PRKAG2: variants seen among roughly 807,000 people sequenced by gnomAD.
The protein encoded by PRKAG2 is protein kinase AMP-activated non-catalytic subunit gamma 2.
PRKAG2 carries 26 observed loss-of-function variants against 69.6 expected under a neutral mutation model. The observed-to-expected ratio is 0.37, with a 90% CI of 0.27 to 0.52. The LOEUF is 0.52. PRKAG2 is among the 20% of genes least tolerant of loss of function. The probability of loss-of-function intolerance (pLI) is 0.90; values close to 1 mark genes in which losing one functional copy is unlikely to be tolerated. For missense variants in PRKAG2, 557 were observed against 740.0 expected, an observed-to-expected ratio of 0.75 and a Z score of 2.87; for synonymous variants, 293 against 285.0, an observed-to-expected ratio of 1.03 and a Z score of -0.28.
chr7:151,729,985 G>A (rs562433259), intron 3 of PRKAG2, among the ~76,000 whole-genome samples: 2 of 152,314 alleles, frequency 1.3e-5, no homozygotes, highest in South Asian at 4.1e-4. Context: ...TATCACATTC[G>A]TAGAAAGTAG....
In PRKAG2 at chr7:151,595,471, C is replaced by T. The variant is rs746909188; in HGVS notation, c.755-17G>A. 6.5e-7 allele frequency: 1 copy of T among 1,534,386 alleles called. No homozygotes were observed. The highest frequency in any genetic ancestry group is 1.1e-5 in the South Asian group (1 of 89,384). ...CTTCTACTGCTAAAAGAAAAAAAGG[C>T]AAAACATCAGTAATAATAAAGAATT... On this transcript the variant is annotated splice_polypyrimidine_tract_variant and intron_variant, in intron 5 of 15. Transcript: ENST00000287878.
intron 1 of PRKAG2, among the ~76,000 whole-genome samples, chr7:151,845,751 C>CT (rs202041310): frequency 6.6e-6 from 1 of 152,340 alleles, no homozygotes; most frequent in East Asian, 1.9e-4. Flanking sequence ...TCCCAAAACA[C>CT]TGCGGGGGCG....
intron 5 of PRKAG2, among the ~76,000 whole-genome samples, chr7:151,598,056 CCT>C (rs1433424645): frequency 6.6e-6 from 1 of 152,160 alleles, no homozygotes; most frequent in African/African-American, 2.4e-5. Flanking sequence ...ATGGAATCCA[CCT>C]AAGTGTCGCC....
At chr7:151,616,256 G>C (rs946809312) in intron 5 of PRKAG2, among the ~76,000 whole-genome samples, 1 of 152,148 alleles carries the variant, frequency 6.6e-6, no homozygotes, top group African/African-American at 2.4e-5. Context: ...CAACGAGGGC[G>C]GGAGGAAGCA....
Position 151,800,798 on chromosome 7 carries a change from T to C in PRKAG2, c.115-14257A>G, listed in dbSNP as rs74602755. Among the ~76,000 whole-genome samples the C allele has an allele frequency of 7.4e-3, 1,121 of 152,254 alleles. 13 individuals carry two copies. Among genetic ancestry groups the C allele is most frequent in the African/African-American group, 0.025 (1,018 of 41,548 alleles). ...CACACATTTGTCAAAACCCACAGAA[T>C]GTACACCACCAAGAGTGAGCCCTAA... On this transcript the variant is annotated intron_variant, in intron 1 of 15. Coordinates refer to ENST00000287878, the MANE Select transcript of PRKAG2 (RefSeq NM_016203.4).
In PRKAG2 at chr7:151,614,146, C is replaced by T. The variant is rs1819538265; in HGVS notation, c.754+17923G>A. Among the ~76,000 whole-genome samples the T allele has an allele frequency of 6.6e-6, 1 of 152,162 alleles. No homozygotes were observed. The highest frequency in any genetic ancestry group is 1.5e-5 in the Non-Finnish European group (1 of 68,028). On this transcript the variant is annotated intron_variant, in intron 5 of 15. Transcript: ENST00000287878. The surrounding 1 kb of genome is among the most constrained non-coding windows in gnomAD (Gnocchi z 4.4). The stretch of plus-strand genomic sequence containing the variant: ...CCGTTCCCACGGCTATGCTGAGCGC[C>T]CCAGCCAGCACTCCAACACGGCCTG...
At chr7:151,859,568 G>A (rs1586737093) in intron 1 of PRKAG2, among the ~76,000 whole-genome samples, 1 of 152,226 alleles carries the variant, frequency 6.6e-6, no homozygotes, top group Non-Finnish European at 1.5e-5. Context: ...GGCGAGGACT[G>A]TGAGAGTGGA....
chr7:151,715,310 C>T (rs2151621059), intron 3 of PRKAG2, among the ~76,000 whole-genome samples: 1 of 109,104 alleles, frequency 9.2e-6, no homozygotes, highest in South Asian at 2.9e-4. Flanking sequence ...GCCACTGCAC[C>T]TGGCCTAAAA....
rs1286155466 is a variant in PRKAG2, at chr7:151,835,988, G to C, written c.114+40519C>G. On this transcript the variant is annotated intron_variant, in intron 1 of 15. Transcript: ENST00000287878. This position sits in a 1 kb window ranked among gnomAD's most constrained non-coding sequence, Gnocchi z 4.1. ...TTGCTCCATGGACCAGCGTGTCTGA[G>C]CTCCCTGTGAATGTATCTAATTTGT... Among the ~76,000 whole-genome samples, 1 of 152,182 alleles carries C rather than the reference G, an allele frequency of 6.6e-6. No individual in the cohort carries two copies. The highest frequency in any genetic ancestry group is 1.5e-5 in the Non-Finnish European group (1 of 68,026).
At chr7:151,586,441 CCTTTT>C (rs1296981165) in intron 6 of PRKAG2, among the ~76,000 whole-genome samples, 1 of 152,174 alleles carries the variant, frequency 6.6e-6, no homozygotes, top group African/African-American at 2.4e-5. Flanking sequence ...TCTGCTCTTT[CCTTTT>C]ATCTCTGGCC....
At chr7:151,775,110 G>C (rs1035329829) in intron 3 of PRKAG2, among the ~76,000 whole-genome samples, 6 of 152,256 alleles carry the variant, frequency 3.9e-5, no homozygotes, top group Non-Finnish European at 8.8e-5. Flanking sequence ...TGGGCCACGT[G>C]TGATGAGGGC....
intron 4 of PRKAG2, among the ~76,000 whole-genome samples, chr7:151,650,091 C>G (rs372458084): frequency 8.6e-5 from 13 of 151,994 alleles, no homozygotes; most frequent in Non-Finnish European, 1.5e-4. Flanking sequence ...CACGGTGGCA[C>G]GCGCCTATAG....
chr7:151,686,706 C>T (rs1412679433), intron 3 of PRKAG2, among the ~76,000 whole-genome samples: 1 of 152,192 alleles, frequency 6.6e-6, no homozygotes, highest in Non-Finnish European at 1.5e-5. Context: ...GCAGGAGTTT[C>T]TGGACTCTGG....
At chr7:151,854,793 C>CG (rs879196197) in intron 1 of PRKAG2, among the ~76,000 whole-genome samples, 2 of 152,092 alleles carry the variant, frequency 1.3e-5, no homozygotes, top group South Asian at 4.1e-4. Flanking sequence ...AGGGAGGCAG[C>CG]GGGGGAGTCA....
chr7:151,829,781 A>G (rs1365685116), intron 1 of PRKAG2, among the ~76,000 whole-genome samples: 2 of 151,886 alleles, frequency 1.3e-5, no homozygotes, highest in African/African-American at 4.8e-5. Context: ...ACCAAATATC[A>G]TACAATTCCT....
intron 4 of PRKAG2, among the ~76,000 whole-genome samples, chr7:151,635,282 GT>G (rs774959157): frequency 1.0e-3 from 153 of 152,280 alleles, no homozygotes; most frequent in Non-Finnish European, 1.9e-3. Flanking sequence ...CAATTTGGCA[GT>G]TTTTTATAAA....
chr7:151,576,426 T>C lies in PRKAG2; in HGVS notation c.891A>G (p.Val297=). The change falls in exon 7 of 16, where the codon GTA becomes GTG. Residue 297 remains valine, a synonymous_variant. Coordinates refer to ENST00000287878, the MANE Select transcript of PRKAG2 (RefSeq NM_016203.4). ...LQVKKAFFAL[V]ANGVRAAPLW... is the part of the protein sequence containing the mutation. The stretch of plus-strand genomic sequence containing the variant: ...GTGGCGCTGCTCGGACACCGTTGGC[T>C]ACCAAAGCAAAGAAGGCCTTTTTAA... 6.2e-7 allele frequency: 1 copy of C among 1,609,816 alleles called. No individual in the cohort carries two copies. The highest frequency in any genetic ancestry group is 1.7e-5 in the Admixed American group (1 of 59,994).
intron 5 of PRKAG2, among the ~76,000 whole-genome samples, chr7:151,608,157 C>G (rs530203832): frequency 1.3e-5 from 2 of 152,120 alleles, no homozygotes; most frequent in Admixed American, 1.3e-4. Flanking sequence ...CAGCGTGGGG[C>G]GGATTCTCCC....
chr7:151,658,109 G>A (rs1002889627), intron 4 of PRKAG2, among the ~76,000 whole-genome samples: 6 of 151,464 alleles, frequency 4.0e-5, no homozygotes, highest in Non-Finnish European at 7.4e-5. Context: ...AGTGAGCCGA[G>A]ATTGCGCCAC....
Sources: gnomAD v4.1 joint callset for allele counts (sites outside exome capture counted in the v4.1 genomes callset) on GRCh38, gnomAD v4.1.1 for gene constraint, Gnocchi (gnomAD v3.1) non-coding constraint, MANE v1.5 for transcripts, NCBI Gene and HGNC (gene_info 2026-07-23, HGNC 2026-07-21) for gene names.